The following OSBPL6 variants were observed in gnomAD, a reference collection of about 807,000 sequenced individuals.
OSBPL6 encodes the protein oxysterol binding protein like 6.
In OSBPL6, 49 loss-of-function variants were observed where a neutral mutation model predicts 125.8. The ratio of observed to expected loss-of-function variants is 0.39; its 90% confidence interval spans 0.31 to 0.49. The LOEUF is 0.49. Among genes scored for constraint, OSBPL6 ranks in the 20% least tolerant of loss-of-function variants. OSBPL6 has a pLI of 0.88. For synonymous variants in OSBPL6, 394 were observed against 391.8 expected, an observed-to-expected ratio of 1.01 and a Z score of -0.07; for missense variants, 986 against 1,135.4, an observed-to-expected ratio of 0.87 and a Z score of 1.89.
intron 13 of OSBPL6, among the ~76,000 whole-genome samples, chr2:178,370,833 C>A (rs1693315539): frequency 6.6e-6 from 1 of 152,158 alleles, no homozygotes; most frequent in Admixed American, 6.5e-5. Context: ...CCAAAGGCTG[C>A]AACTGATAGT....
intron 21 of OSBPL6, among the ~76,000 whole-genome samples, chr2:178,390,457 G>A (rs1432771648): frequency 6.6e-6 from 1 of 152,184 alleles, no homozygotes; most frequent in East Asian, 1.9e-4. Flanking sequence ...AGGTGCACAC[G>A]CTGGTGGGTG....
chr2:178,297,373 G>T (rs1049812969), intron 2 of OSBPL6, among the ~76,000 whole-genome samples: 4 of 152,192 alleles, frequency 2.6e-5, no homozygotes, highest in African/African-American at 9.7e-5. Context: ...TGAAGTGAGA[G>T]GATTGCTTGA....
chr2:178,201,274 C>A (rs1308313999), intron 1 of OSBPL6, among the ~76,000 whole-genome samples: 1 of 152,162 alleles, frequency 6.6e-6, no homozygotes, highest in African/African-American at 2.4e-5. Context: ...TTCATAGAAG[C>A]AACTCAAAGT....
At chr2:178,366,151 C>T (rs374972582) in intron 13 of OSBPL6, among the ~76,000 whole-genome samples, 11 of 152,192 alleles carry the variant, frequency 7.2e-5, no homozygotes, top group East Asian at 5.8e-4. Flanking sequence ...CTCGGACTCC[C>T]GAAGTGCTGG....
At chr2:178,355,085 C>A (rs553865804) in intron 12 of OSBPL6, among the ~76,000 whole-genome samples, 1 of 152,104 alleles carries the variant, frequency 6.6e-6, no homozygotes, top group African/African-American at 2.4e-5. Context: ...ACATTTAAAG[C>A]AGTATGTAGA....
At chr2:178,202,263 A>G (rs2089295675) in intron 1 of OSBPL6, among the ~76,000 whole-genome samples, 1 of 152,094 alleles carries the variant, frequency 6.6e-6, no homozygotes, top group Non-Finnish European at 1.5e-5. Flanking sequence ...TTCCATCTGG[A>G]ATCATTTTCT....
intron 1 of OSBPL6, among the ~76,000 whole-genome samples, chr2:178,198,421 C>G (rs924606710): frequency 1.3e-5 from 2 of 151,812 alleles, no homozygotes; most frequent in Admixed American, 6.6e-5. Context: ...CTCAGCCTCC[C>G]TAGTAGCTGG....
intron 1 of OSBPL6, among the ~76,000 whole-genome samples, chr2:178,257,405 C>T (rs1574652447): frequency 1.3e-5 from 2 of 152,026 alleles, no homozygotes; most frequent in Non-Finnish European, 2.9e-5. Flanking sequence ...AACCAAATAA[C>T]GTTTTTATTA....
intron 9 of OSBPL6, 133 bp downstream of exon 9, chr2:178,336,566 T>C: frequency 3.0e-6 from 3 of 1,003,456 alleles, no homozygotes; most frequent in Non-Finnish European, 4.3e-6. Context: ...TTGCTCTTTC[T>C]CCCCCTTGTT....
At chr2:178,304,602 G>A (rs1190101259) in intron 2 of OSBPL6, among the ~76,000 whole-genome samples, 2 of 152,134 alleles carry the variant, frequency 1.3e-5, no homozygotes, top group African/African-American at 2.4e-5. Flanking sequence ...TTATATAGTG[G>A]CACTAACCTA....
rs143675158 is a variant in OSBPL6 at position 178,339,643 on chromosome 2, T to C, written c.895-29T>C. On this transcript the variant is annotated intron_variant, in intron 10 of 24. Coordinates refer to ENST00000190611, the MANE Select transcript of OSBPL6 (RefSeq NM_032523.4). Reference sequence around the variant, plus strand: ...CATCTGTGTGAACTTAATAATACTTTGTTGCTTTTAACTATTTGTGTAATG... The same window carrying C: ...CATCTGTGTGAACTTAATAATACTTCGTTGCTTTTAACTATTTGTGTAATG... 61 of 1,541,174 alleles carry C rather than the reference T, an allele frequency of 4.0e-5. No individual in the cohort carries two copies. The East Asian group carries it at 1.2e-3, about 31-fold the overall frequency.
At chr2:178,201,150 A>G (rs1421216558) in intron 1 of OSBPL6, among the ~76,000 whole-genome samples, 1 of 152,198 alleles carries the variant, frequency 6.6e-6, no homozygotes, top group African/African-American at 2.4e-5. Flanking sequence ...TATTTCATTT[A>G]GAATTAAGAT....
At chr2:178,236,265 G>T (rs1270186925) in intron 1 of OSBPL6, among the ~76,000 whole-genome samples, 1 of 152,140 alleles carries the variant, frequency 6.6e-6, no homozygotes, top group Admixed American at 6.5e-5. Context: ...GCTTAATGAT[G>T]TTTTTGTCTT....
intron 2 of OSBPL6, among the ~76,000 whole-genome samples, chr2:178,293,005 A>T (rs1427127981): frequency 6.6e-6 from 1 of 151,518 alleles, no homozygotes; most frequent in Non-Finnish European, 1.5e-5. Flanking sequence ...TCAAATGTCT[A>T]TTTTTTTTCA....
chr2:178,344,985 G>T (rs16866276), intron 11 of OSBPL6, among the ~76,000 whole-genome samples: 6 of 151,270 alleles, frequency 4.0e-5, no homozygotes, highest in Non-Finnish European at 7.4e-5. Flanking sequence ...ATATCTAGAG[G>T]TTTTTTTTTC....
At chr2:178,218,001 T>C (rs1404165652) in intron 1 of OSBPL6, among the ~76,000 whole-genome samples, 1 of 152,220 alleles carries the variant, frequency 6.6e-6, no homozygotes, top group Non-Finnish European at 1.5e-5. Flanking sequence ...GTTGGCAGGT[T>C]CAATAGGGTT....
intron 16 of OSBPL6, 175 bp from the exon 17 acceptor site, chr2:178,382,849 G>T (rs539016279): frequency 2.2e-6 from 3 of 1,390,310 alleles, no homozygotes; most frequent in South Asian, 1.5e-5. Context: ...ATACACTGTT[G>T]TTTTCTGCAT....
At chr2:178,226,106 C>A (rs2090551182) in intron 1 of OSBPL6, among the ~76,000 whole-genome samples, 1 of 152,126 alleles carries the variant, frequency 6.6e-6, no homozygotes, top group African/African-American at 2.4e-5. Context: ...TCCTAGGGCC[C>A]ACTGAGAGCT....
chr2:178,257,173 A>T (rs900752413), intron 1 of OSBPL6, among the ~76,000 whole-genome samples: 82 of 152,266 alleles, frequency 5.4e-4, no homozygotes, highest in African/African-American at 1.9e-3. Flanking sequence ...ATTATTTTGG[A>T]TGGTAAAGCT....
Sources: allele counts gnomAD v4.1 joint callset (sites outside exome capture counted in the v4.1 genomes callset), GRCh38; gene constraint gnomAD v4.1.1; transcripts MANE v1.5; gene names NCBI Gene and HGNC (gene_info 2026-07-23, HGNC 2026-07-21).